PTPRJ: variants seen among roughly 807,000 people sequenced by gnomAD.
PTPRJ encodes receptor-type tyrosine-protein phosphatase eta.
Under a neutral mutation model 141.3 loss-of-function variants are expected in PTPRJ, and 129 were observed. The observed-to-expected ratio is 0.91, with a 90% confidence interval of 0.79 to 1.06. The LOEUF (loss-of-function observed/expected upper bound fraction) is 1.06, where lower values mean the gene tolerates loss of function less well. PTPRJ is among the 50% of genes least tolerant of loss of function. PTPRJ has a pLI of 0.00. For missense variants in PTPRJ, 1,601 were observed against 1,679.7 expected (o/e 0.95, Z 0.82); for synonymous variants, 610 against 640.5 (o/e 0.95, Z 0.72).
intron 10 of PTPRJ, 81 bp from the exon 11 acceptor site, chr11:48,139,405 C>A (rs1257304355): frequency 6.8e-7 from 1 of 1,471,250 alleles, no homozygotes; most frequent in East Asian, 2.4e-5. Flanking sequence ...TTCTCATCCC[C>A]AGGATTCTGC....
intron 1 of PTPRJ, among the ~76,000 whole-genome samples, chr11:48,085,366 T>G (rs1318020716): frequency 2.0e-5 from 3 of 152,092 alleles, no homozygotes; most frequent in Admixed American, 6.5e-5. Context: ...AAACGGAGTT[T>G]CACTGTGTCA....
intron 4 of PTPRJ, among the ~76,000 whole-genome samples, chr11:48,123,095 A>T (rs1856745535): frequency 6.6e-6 from 1 of 152,332 alleles, no homozygotes; most frequent in Non-Finnish European, 1.5e-5. Context: ...TATAGTGGAG[A>T]TGGAACGTCT....
In PTPRJ at chr11:48,164,465, G is replaced by A; in HGVS notation, c.3805G>A (p.Gly1269Arg). The A allele has an allele frequency of 6.2e-7, 1 of 1,613,644 alleles. No individual in the cohort carries two copies. Among genetic ancestry groups the A allele is most frequent in the Non-Finnish European group, 8.5e-7 (1 of 1,179,836 alleles). ...GAATGAGAACACCGTGGATGTGTATGGGATTGTGTATGACCTTCGAATGCA... is the reference window on the plus strand; with the variant it reads ...GAATGAGAACACCGTGGATGTGTATAGGATTGTGTATGACCTTCGAATGCA... Reference protein sequence around the residue: ...IENENTVDVYGIVYDLRMHRP... With the variant: ...IENENTVDVYRIVYDLRMHRP... Residue 1269 changes from glycine to arginine, a missense_variant, in exon 24 of 25, where the codon GGG becomes AGG. Coordinates refer to ENST00000418331, the MANE Select transcript of PTPRJ (RefSeq NM_002843.4).
chr11:48,021,190 A>G (rs1170636421), intron 1 of PTPRJ, among the ~76,000 whole-genome samples: 2 of 152,066 alleles, frequency 1.3e-5, no homozygotes, highest in Non-Finnish European at 1.5e-5. Flanking sequence ...CCTGTCCAAC[A>G]TGGTGAAACC....
At chr11:48,122,328 AG>A (rs1038269912) in intron 4 of PTPRJ, among the ~76,000 whole-genome samples, 7 of 152,266 alleles carry the variant, frequency 4.6e-5, no homozygotes, top group African/African-American at 1.7e-4. Flanking sequence ...GGTGACCCCG[AG>A]GGGGTGGCTG....
At chr11:48,111,210 G>C (rs913298091) in intron 2 of PTPRJ, among the ~76,000 whole-genome samples, 2 of 149,880 alleles carry the variant, frequency 1.3e-5, no homozygotes, top group African/African-American at 4.9e-5. Flanking sequence ...AGCCTGAGAG[G>C]TGGAGGCTGC....
intron 1 of PTPRJ, among the ~76,000 whole-genome samples, chr11:48,098,646 G>A (rs1363220716): frequency 1.8e-5 from 1 of 56,304 alleles, no homozygotes; most frequent in African/African-American, 4.1e-5. Context: ...TCAGCCTCCT[G>A]TGTAGCTGGG....
At chr11:48,011,845 G>A (rs981725054) in intron 1 of PTPRJ, among the ~76,000 whole-genome samples, 2 of 151,970 alleles carry the variant, frequency 1.3e-5, no homozygotes, top group Admixed American at 6.6e-5. Context: ...ACATTTTTTT[G>A]TAGAAATGAG....
chr11:48,046,889 C>CATAT (rs1243672838), intron 1 of PTPRJ, among the ~76,000 whole-genome samples: 186 of 76,888 alleles, frequency 2.4e-3, no homozygotes, highest in Middle Eastern at 9.6e-3. Context: ...AATATGTTTA[C>CATAT]ATATATATAT....
chr11:48,127,580 C>G (rs1856870589), intron 6 of PTPRJ, among the ~76,000 whole-genome samples, 200 bp from the exon 7 acceptor site: 1 of 152,140 alleles, frequency 6.6e-6, no homozygotes. Context: ...GTGCCATTGG[C>G]CAGGTTGTTT....
chr11:48,014,830 G>A (rs1456188683), intron 1 of PTPRJ, among the ~76,000 whole-genome samples: 2 of 152,190 alleles, frequency 1.3e-5, no homozygotes, highest in Non-Finnish European at 2.9e-5. Context: ...AGCCTCTCGA[G>A]TAGCTGGGAT....
intron 1 of PTPRJ, among the ~76,000 whole-genome samples, chr11:47,989,334 T>C (rs1326883345): frequency 6.6e-6 from 1 of 151,734 alleles, no homozygotes; most frequent in East Asian, 1.9e-4. Flanking sequence ...TGGCGTGATC[T>C]TGGCTCACTG....
chr11:48,101,154 T>C (rs1304236431), intron 1 of PTPRJ, among the ~76,000 whole-genome samples: 1 of 152,182 alleles, frequency 6.6e-6, no homozygotes, highest in Non-Finnish European at 1.5e-5. Context: ...TACTGTGTGC[T>C]GCTAATCCCC....
At chr11:48,073,085 C>T (rs531078436) in intron 1 of PTPRJ, among the ~76,000 whole-genome samples, 31 of 152,320 alleles carry the variant, frequency 2.0e-4, no homozygotes, top group African/African-American at 5.8e-4. Context: ...AACAGTCTTA[C>T]GATGGGGGTG....
intron 21 of PTPRJ, among the ~76,000 whole-genome samples, chr11:48,159,490 A>T (rs1172914711): frequency 6.6e-6 from 1 of 152,200 alleles, no homozygotes. Flanking sequence ...ATCAATTTTC[A>T]TGCTGAAAGC....
chr11:48,005,325 A>AC (rs1368750524), intron 1 of PTPRJ, among the ~76,000 whole-genome samples: 2 of 151,776 alleles, frequency 1.3e-5, no homozygotes, highest in Non-Finnish European at 2.9e-5. Flanking sequence ...CACAAAAGAA[A>AC]CCCCATGCCC....
intron 19 of PTPRJ, 37 bp from the exon 20 acceptor site, chr11:48,155,764 G>A: frequency 6.7e-7 from 1 of 1,481,632 alleles, no homozygotes; most frequent in African/African-American, 1.4e-5. Context: ...TAAAACATTT[G>A]CTTATAATGG....
intron 18 of PTPRJ, among the ~76,000 whole-genome samples, chr11:48,151,111 C>T (rs1219877190): frequency 6.6e-6 from 1 of 152,136 alleles, no homozygotes; most frequent in African/African-American, 2.4e-5. Flanking sequence ...TGTATTAGTT[C>T]TCTAGGCTGC....
intron 1 of PTPRJ, among the ~76,000 whole-genome samples, chr11:48,086,861 G>A (rs959171963): frequency 1.8e-4 from 28 of 151,836 alleles, no homozygotes; most frequent in African/African-American, 6.8e-4. Context: ...TGTTCAGTCT[G>A]TTTTTTTTCT....
Sources: gnomAD v4.1 joint callset for allele counts (sites outside exome capture counted in the v4.1 genomes callset) on GRCh38, gnomAD v4.1.1 for gene constraint, MANE v1.5 for transcripts, NCBI Gene and HGNC (gene_info 2026-07-23, HGNC 2026-07-21) for gene names.